Variants in CCBE1 observed in about 807,000 individuals in gnomAD.
CCBE1 encodes collagen and calcium binding EGF domains 1, also known as collagen and calcium-binding EGF domain-containing protein 1.
In CCBE1, 37 loss-of-function variants were observed where a neutral mutation model predicts 50.0. The observed-to-expected ratio is 0.74, with a 90% CI of 0.57 to 0.97. The LOEUF (loss-of-function observed/expected upper bound fraction) is 0.97. Ranked by LOEUF, CCBE1 falls within the 50% of genes least tolerant of loss-of-function variation. The pLI, the probability that CCBE1 is intolerant of heterozygous loss-of-function variation, is 0.00. For missense variants in CCBE1, 538 were observed against 523.8 expected (o/e 1.03, Z -0.26); for synonymous variants, 234 against 203.7 (o/e 1.15, Z -1.27).
chr18:59,456,254 C>T lies in CCBE1; in HGVS notation c.554-1303G>A, dbSNP rs962625933. On this transcript the variant is annotated intron_variant, in intron 5 of 10. Transcript: ENST00000439986. Reference sequence around the variant, plus strand: ...TTCTTGGTATCTCACGTAATGGATGCTCGAAAAATCTTTGGGAAATGGATC... The same window carrying T: ...TTCTTGGTATCTCACGTAATGGATGTTCGAAAAATCTTTGGGAAATGGATC... Among the ~76,000 whole-genome samples, 5 of 152,334 alleles carry T rather than the reference C, an allele frequency of 3.3e-5. No individual in the cohort carries two copies. In the South Asian group the frequency reaches 8.3e-4, roughly 25 times the overall value.
Position 59,466,793 on chromosome 18 carries a change from G to A in CCBE1, c.499C>T (p.Arg167Trp), listed in dbSNP as rs116675104. The change falls in exon 5 of 11, where the codon CGG (arginine) becomes TGG (tryptophan). Residue 167 changes from arginine to tryptophan, a missense_variant. Physicochemically the swap from Arg to Trp is moderately radical, Grantham distance 101 (BLOSUM62 -3). Coordinates refer to ENST00000439986, the MANE Select transcript of CCBE1 (RefSeq NM_133459.4). Reference protein sequence around the residue: ...YRCECREGYIREDDGKTCTRG... With the variant: ...YRCECREGYIWEDDGKTCTRG... ...GTACATGTCTTCCCATCATCTTCCC[G>A]GATGTAGCCTTCCCGGCACTCGCAG... 1.3e-3 allele frequency: 2,091 copies of A among 1,613,702 alleles called. 25 individuals are homozygous for A. In the South Asian group the frequency reaches 0.016, roughly 12 times the overall value.
At chr18:59,622,010 G>A (rs547889513) in intron 2 of CCBE1, among the ~76,000 whole-genome samples, 4 of 152,272 alleles carry the variant, frequency 2.6e-5, no homozygotes, top group African/African-American at 9.6e-5. Context: ...ATGCAAAGAA[G>A]TCTGCTTAAT....
intron 7 of CCBE1, among the ~76,000 whole-genome samples, chr18:59,445,107 A>G (rs1445971181): frequency 1.3e-5 from 2 of 152,192 alleles, no homozygotes; most frequent in African/African-American, 4.8e-5. Flanking sequence ...CCAAGAACTC[A>G]TCACCAAATC....
At chr18:59,569,681 A>C (rs544906567) in intron 2 of CCBE1, among the ~76,000 whole-genome samples, 9 of 150,602 alleles carry the variant, frequency 6.0e-5, no homozygotes, top group African/African-American at 2.2e-4. Flanking sequence ...CTCAGGATAG[A>C]GTACAGCAGC....
At chr18:59,596,675 G>A (rs1024630542) in intron 2 of CCBE1, among the ~76,000 whole-genome samples, 3 of 152,146 alleles carry the variant, frequency 2.0e-5, no homozygotes, top group East Asian at 1.9e-4. Context: ...CACGTCTCTC[G>A]TTTTACACAA....
At chr18:59,598,759 A>T (rs916311322) in intron 2 of CCBE1, among the ~76,000 whole-genome samples, 1 of 152,198 alleles carries the variant, frequency 6.6e-6, no homozygotes, top group Non-Finnish European at 1.5e-5. Flanking sequence ...TCAGATGGGC[A>T]TATGTCCCAA....
intron 2 of CCBE1, among the ~76,000 whole-genome samples, chr18:59,584,688 C>T (rs1165386107): frequency 6.6e-6 from 1 of 152,086 alleles, no homozygotes; most frequent in Non-Finnish European, 1.5e-5. Flanking sequence ...GCTTGTGCTT[C>T]ACCATGTAAG....
intron 2 of CCBE1, among the ~76,000 whole-genome samples, chr18:59,658,321 TAAAAAAAAAAAAAAAA>T (rs1157998930): frequency 4.7e-4 from 3 of 6,424 alleles, no homozygotes; most frequent in East Asian, 0.023. Context: ...ACCCTGTCTC[TAAAAAAAAAAAAAAAA>T]AAAAAAAAAA....
At chr18:59,611,363 T>C (rs991057104) in intron 2 of CCBE1, among the ~76,000 whole-genome samples, 2 of 152,172 alleles carry the variant, frequency 1.3e-5, no homozygotes, top group African/African-American at 2.4e-5. Flanking sequence ...TGGAAATGCA[T>C]GGCCAAAGTT....
At chr18:59,583,682 CGCGCGCGCGCGCGCGCGCGTGTGTGTGT>C (rs1287272962) in intron 2 of CCBE1, among the ~76,000 whole-genome samples, 1 of 35,948 alleles carries the variant, frequency 2.8e-5, no homozygotes, top group Non-Finnish European at 7.8e-5. Context: ...TGTGTGTGTG[CGCGCGCGCGCGCGCGCGCGTGTGTGTGT>C]ATGTCTGCGA....
At chr18:59,516,126 C>A (rs1598970066) in intron 2 of CCBE1, among the ~76,000 whole-genome samples, 1 of 152,048 alleles carries the variant, frequency 6.6e-6, no homozygotes, top group Non-Finnish European at 1.5e-5. Context: ...GCCCAGCTAA[C>A]TTTTGTATTT....
intron 2 of CCBE1, among the ~76,000 whole-genome samples, chr18:59,655,812 C>T (rs904041580): frequency 6.6e-6 from 1 of 152,340 alleles, no homozygotes; most frequent in Middle Eastern, 3.4e-3. Flanking sequence ...CCACTGTACA[C>T]AAGTTCCAGA....
At chr18:59,648,022 C>T (rs1049627588) in intron 2 of CCBE1, among the ~76,000 whole-genome samples, 2 of 152,158 alleles carry the variant, frequency 1.3e-5, no homozygotes, top group Admixed American at 1.3e-4. Flanking sequence ...TACATCAAAA[C>T]TATGTGACAA....
chr18:59,537,574 C>T (rs1047504001), intron 2 of CCBE1, among the ~76,000 whole-genome samples: 4 of 152,152 alleles, frequency 2.6e-5, no homozygotes, highest in Non-Finnish European at 1.5e-5. Context: ...TCTTCAGCCA[C>T]GTGGAACTGT....
intron 2 of CCBE1, among the ~76,000 whole-genome samples, chr18:59,659,450 G>T (rs2054252589): frequency 6.6e-6 from 1 of 152,092 alleles, no homozygotes; most frequent in African/African-American, 2.4e-5. Flanking sequence ...AAGGTGGGGA[G>T]GTGGGCAGGC....
intron 2 of CCBE1, among the ~76,000 whole-genome samples, chr18:59,583,205 A>G (rs1287374740): frequency 5.3e-5 from 8 of 152,226 alleles, no homozygotes; most frequent in Admixed American, 5.2e-4. Context: ...CCAGTTAAGC[A>G]CTTTTACTAA....
In CCBE1 at chr18:59,454,925, T is replaced by C. The variant is rs770009509; in HGVS notation, c.580A>G (p.Lys194Glu). 1 of 1,614,196 alleles carries C rather than the reference T, an allele frequency of 6.2e-7. No individual in the cohort carries two copies. The highest frequency in any genetic ancestry group is 1.7e-5 in the Admixed American group (1 of 60,028). Residue 194 changes from lysine to glutamate, a missense_variant, in exon 6 of 11, where the codon AAA becomes GAA. Lys to Glu is a moderately conservative substitution (Grantham distance 56, BLOSUM62 1). Coordinates refer to ENST00000439986, the MANE Select transcript of CCBE1 (RefSeq NM_133459.4). ...CATGTGGCACAGCAAGTTCCGGCTTTCACCATGTTCTCAGACTTCTCATGG... is the reference window on the plus strand; with the variant it reads ...CATGTGGCACAGCAAGTTCCGGCTTCCACCATGTTCTCAGACTTCTCATGG... ...TGHEKSENMVKAGTCCATCKE... is the reference protein window; with the variant it reads ...TGHEKSENMVEAGTCCATCKE...
intron 2 of CCBE1, among the ~76,000 whole-genome samples, chr18:59,509,495 T>C (rs1241632101): frequency 2.0e-5 from 3 of 152,170 alleles, no homozygotes; most frequent in African/African-American, 4.8e-5. Context: ...TGATAAATAC[T>C]AGGAAAATGT....
At chr18:59,558,730 CT>C (rs1451451770) in intron 2 of CCBE1, among the ~76,000 whole-genome samples, 1 of 152,156 alleles carries the variant, frequency 6.6e-6, no homozygotes, top group Non-Finnish European at 1.5e-5. Flanking sequence ...CAGGATACAG[CT>C]TAGCTTGCTT....
Sources: gnomAD v4.1 joint callset for allele counts (sites outside exome capture counted in the v4.1 genomes callset) on GRCh38, gnomAD v4.1.1 for gene constraint, MANE v1.5 for transcripts, NCBI Gene and HGNC (gene_info 2026-07-23, HGNC 2026-07-21) for gene names.